Variants in WDR35 observed in about 807,000 individuals in gnomAD.
The protein encoded by WDR35 is WD repeat domain 35.
A neutral mutation model predicts 158.3 loss-of-function variants in WDR35; 118 were observed. That is an observed-to-expected ratio of 0.75 (90% CI 0.64 to 0.87). The LOEUF (loss-of-function observed/expected upper bound fraction) is 0.87, where lower values mean the gene tolerates loss of function less well. Ranked by LOEUF, WDR35 falls within the 40% of genes least tolerant of loss-of-function variation. The pLI is 0.00. For synonymous variants in WDR35, 448 were observed against 476.1 expected (o/e 0.94, Z 0.77); for missense variants, 1,263 against 1,405.8 (o/e 0.90, Z 1.62).
intron 23 of WDR35, 141 bp downstream of exon 23, chr2:19,932,142 A>G: frequency 1.9e-6 from 2 of 1,036,350 alleles, no homozygotes; most frequent in Non-Finnish European, 1.4e-6. Context: ...ATACTAAAAT[A>G]ATGTATACAG....
chr2:19,960,710 A>G lies in WDR35; in HGVS notation c.1195-96T>C, dbSNP rs73216596. Reference sequence around the variant, plus strand: ...TATCATGCTTATCTCTTTTTCAAGTATTGCTAACTGGGAAATAACTGATGA... The same window carrying G: ...TATCATGCTTATCTCTTTTTCAAGTGTTGCTAACTGGGAAATAACTGATGA... On this transcript the variant is annotated intron_variant, in intron 10 of 26. Transcript: ENST00000281405. 741 of 939,526 alleles carry G rather than the reference A, an allele frequency of 7.9e-4. 6 individuals carry two copies. The African/African-American group carries it at 0.011, about 14-fold the overall frequency. 58.2% of individuals were successfully genotyped at this position (939,526 alleles called of 1,614,324 possible). A position where few individuals can be genotyped will look rare whatever the true frequency, so the allele number is the denominator to read the frequency against.
chr2:19,976,623 T>TA (rs906787931), intron 5 of WDR35, among the ~76,000 whole-genome samples: 4 of 150,930 alleles, frequency 2.7e-5, no homozygotes, highest in Non-Finnish European at 5.9e-5. Flanking sequence ...TTCTGTTGTT[T>TA]AAAAAAAAGA....
intron 3 of WDR35, among the ~76,000 whole-genome samples, chr2:19,981,530 T>G (rs1468063401): frequency 6.6e-6 from 1 of 152,150 alleles, no homozygotes; most frequent in Non-Finnish European, 1.5e-5. Flanking sequence ...AGTCTTTTTT[T>G]TTCTTGAGAC....
In WDR35 at chr2:19,938,467, T is replaced by A. The variant is rs1045077961; in HGVS notation, c.1927-66A>T. 7.9e-5 allele frequency: 123 copies of A among 1,566,112 alleles called. No homozygotes were observed. In the African/African-American group the frequency reaches 1.5e-3, roughly 20 times the overall value. On this transcript the variant is annotated intron_variant, in intron 17 of 26. Coordinates refer to ENST00000281405, the MANE Select transcript of WDR35 (RefSeq NM_020779.4). Reference sequence around the variant, plus strand: ...CGTTAGAGTATGTGTTTCTTTTTTATATTAAAAACCAGAACAAAACAAAAC... The same window carrying A: ...CGTTAGAGTATGTGTTTCTTTTTTAAATTAAAAACCAGAACAAAACAAAAC...
In WDR35 at chr2:19,937,857, T is replaced by A; in HGVS notation, c.2153A>T (p.Lys718Met). Residue 718 changes from lysine (K) to methionine (M), a missense_variant, in exon 19 of 27, where the codon AAG (lysine) becomes ATG (methionine). By Grantham distance (95) the Lys-to-Met change is moderately conservative. Coordinates refer to ENST00000281405, the MANE Select transcript of WDR35 (RefSeq NM_020779.4). ...TAGTTTGCCCAAGCGCTTCACAAAC[T>A]TAATGCCTTGGTAATCTTTGCAGCG... ...FVRCKDYQGI[K>M]FVKRLGKLLS... is the part of the protein sequence containing the mutation. 6.2e-7 allele frequency: 1 copy of A among 1,614,158 alleles called. No individual in the cohort carries two copies. Among genetic ancestry groups the A allele is most frequent in the Non-Finnish European group, 8.5e-7 (1 of 1,180,018 alleles).
At chr2:19,981,674 C>A (rs574451145) in intron 3 of WDR35, among the ~76,000 whole-genome samples, 1 of 152,076 alleles carries the variant, frequency 6.6e-6, no homozygotes, top group African/African-American at 2.4e-5. Context: ...CACAGCACCA[C>A]GCCTGGTTAA....
chr2:19,966,614 AC>A, intron 10 of WDR35, 109 bp downstream of exon 10: 1 of 1,281,870 alleles, frequency 7.8e-7, no homozygotes, highest in Non-Finnish European at 1.1e-6. Flanking sequence ...GTGCCAACAG[AC>A]CCAATGTTTT....
intron 11 of WDR35, among the ~76,000 whole-genome samples, chr2:19,956,157 A>G (rs1405305334): frequency 6.6e-6 from 1 of 152,190 alleles, no homozygotes; most frequent in Non-Finnish European, 1.5e-5. Flanking sequence ...TCCACCATGG[A>G]TACTCTAATG....
At position 19,910,784 on chromosome 2, in the gene WDR35, TC is replaced by T. The variant is rs1454149106; in HGVS notation, c.*2773del. The T allele has an allele frequency of 1.3e-5, 2 of 152,166 alleles. No individual in the cohort carries two copies. The highest frequency in any genetic ancestry group is 2.9e-5 in the Non-Finnish European group (2 of 68,028). The allele number at this position is 152,166 out of a possible 1,614,324, so 9.4% of individuals were successfully genotyped here. A position where few individuals can be genotyped will look rare whatever the true frequency, so the allele number is the denominator to read the frequency against. On this transcript the variant is annotated 3_prime_UTR_variant, in exon 27 of 27. Transcript: ENST00000281405. ...GTCGAATAAAACCAACTAGATTGAC[TC>T]ATAATATAGGTGTTTTCTCTAGTAC...
intron 22 of WDR35, among the ~76,000 whole-genome samples, chr2:19,932,849 G>T (rs754082458): frequency 6.6e-6 from 1 of 151,782 alleles, no homozygotes; most frequent in Admixed American, 6.6e-5. Context: ...AAAGCAAAAG[G>T]GGTTTTAAAA....
chr2:19,962,197 G>T, intron 10 of WDR35: 2 of 1,280,220 alleles, frequency 1.6e-6, no homozygotes, highest in Non-Finnish European at 2.2e-6. Flanking sequence ...TGAACCTTCT[G>T]AAGTCCCCTC....
rs920192433 is a variant in WDR35, at chr2:19,975,509, C to A, written c.570+21G>T. ...ATCATATAAAATTGTATAAACAAGA[C>A]TGATGCATACACTTACTTACCATAA... On this transcript the variant is annotated intron_variant, in intron 6 of 26. Coordinates refer to ENST00000281405, the MANE Select transcript of WDR35 (RefSeq NM_020779.4). The A allele has an allele frequency of 1.9e-6, 3 of 1,606,774 alleles. No homozygotes were observed. In the African/African-American group the frequency reaches 4.0e-5, roughly 21 times the overall value.
intron 16 of WDR35, among the ~76,000 whole-genome samples, chr2:19,944,293 A>T (rs929118193): frequency 6.6e-6 from 1 of 152,248 alleles, no homozygotes; most frequent in East Asian, 1.9e-4. Context: ...AATTCAAATT[A>T]AAAAACAGTA....
chr2:19,948,987 G>A (rs1055918041), intron 13 of WDR35, among the ~76,000 whole-genome samples: 9 of 151,612 alleles, frequency 5.9e-5, no homozygotes, highest in South Asian at 2.1e-4. Context: ...ACCTACACAC[G>A]CACACCTATT....
intron 17 of WDR35, among the ~76,000 whole-genome samples, chr2:19,938,613 C>T (rs149900465): frequency 2.7e-3 from 404 of 152,174 alleles, no homozygotes; most frequent in African/African-American, 9.0e-3. Context: ...GGCAATCAGG[C>T]GGCCTATGAG....
chr2:19,941,727 T>C (rs1180411495), intron 17 of WDR35, 32 bp downstream of exon 17: 1 of 1,457,192 alleles, frequency 6.9e-7, no homozygotes, highest in South Asian at 1.2e-5. Context: ...CCTGTCAAGC[T>C]AGCAACAGAA....
intron 26 of WDR35, 88 bp downstream of exon 26, chr2:19,913,949 G>T: frequency 6.3e-7 from 1 of 1,578,582 alleles, no homozygotes; most frequent in Non-Finnish European, 8.6e-7. Flanking sequence ...AAAATTCAGT[G>T]CTTTAATTCC....
At chr2:19,924,423 G>T (rs1670292113) in intron 25 of WDR35, among the ~76,000 whole-genome samples, 2 of 152,242 alleles carry the variant, frequency 1.3e-5, no homozygotes, top group South Asian at 4.2e-4. Flanking sequence ...AATTCGCCGG[G>T]TGTGGTGGCG....
At chr2:19,921,122 G>T (rs540605233) in intron 25 of WDR35, among the ~76,000 whole-genome samples, 13 of 152,296 alleles carry the variant, frequency 8.5e-5, no homozygotes, top group African/African-American at 2.9e-4. Context: ...TCATGGATAG[G>T]AAGAACCAAT....
Sources: allele counts gnomAD v4.1 joint callset (sites outside exome capture counted in the v4.1 genomes callset), GRCh38; gene constraint gnomAD v4.1.1; transcripts MANE v1.5; gene names NCBI Gene and HGNC (gene_info 2026-07-23, HGNC 2026-07-21).